The following IL1RN variants were observed in gnomAD, a reference collection of about 807,000 sequenced individuals.
IL1RN encodes the protein interleukin-1 receptor antagonist protein.
In IL1RN, 10 loss-of-function variants were observed where a neutral mutation model predicts 13.7. The observed-to-expected ratio is 0.73, with a 90% CI of 0.45 to 1.24. The LOEUF (loss-of-function observed/expected upper bound fraction) is 1.24. Among genes scored for constraint, IL1RN ranks in the 50% most tolerant of loss-of-function variants. IL1RN has a pLI of 0.00. For synonymous variants in IL1RN, 102 were observed against 82.7 expected (o/e 1.23, Z -1.27); for missense variants, 213 against 222.1 (o/e 0.96, Z 0.26).
chr2:113,127,423 G>A, upstream of IL1RN: 1 of 1,361,842 alleles, frequency 7.3e-7, no homozygotes, highest in Non-Finnish European at 9.5e-7. Flanking sequence ...GAGGGAATCA[G>A]TTACAACACT....
intron 1 of IL1RN, among the ~76,000 whole-genome samples, chr2:113,119,245 T>C (rs2254511): frequency 6.6e-6 from 1 of 152,162 alleles, no homozygotes; most frequent in Non-Finnish European, 1.5e-5. Context: ...GCTAGGCGCC[T>C]TGCTGAGCAC....
At chr2:113,116,109 A>G (rs972342773), upstream of IL1RN, among the ~76,000 whole-genome samples, 1 of 152,148 alleles carries the variant, frequency 6.6e-6, no homozygotes, top group African/African-American at 2.4e-5. Context: ...CATTTTATAG[A>G]TGTGGCCCAG....
intron 1 of IL1RN, among the ~76,000 whole-genome samples, chr2:113,128,107 C>A (rs1463879259): frequency 1.3e-5 from 2 of 152,332 alleles, no homozygotes; most frequent in Non-Finnish European, 2.9e-5. Context: ...ATGGGCAAGG[C>A]CTGTCTGTGC....
At chr2:113,107,591 TG>T (rs1368389320), upstream of IL1RN, among the ~76,000 whole-genome samples, 2 of 145,736 alleles carry the variant, frequency 1.4e-5, no homozygotes, top group African/African-American at 5.1e-5. Flanking sequence ...AAAATAGCCA[TG>T]TGTGGTGGTG....
chr2:113,123,271 C>T (rs1171342726), upstream of IL1RN, among the ~76,000 whole-genome samples: 1 of 152,150 alleles, frequency 6.6e-6, no homozygotes, highest in East Asian at 1.9e-4. Flanking sequence ...AGAGAATGGC[C>T]AAGGCTGTAA....
upstream of IL1RN, among the ~76,000 whole-genome samples, chr2:113,113,602 T>C (rs1686539027): frequency 6.6e-6 from 1 of 152,110 alleles, no homozygotes; most frequent in South Asian, 2.1e-4. Context: ...ATAATGGTAA[T>C]AATTAAGGGG....
At chr2:113,111,874 C>T (rs1686504653) in intron 1 of IL1RN, among the ~76,000 whole-genome samples, 1 of 152,252 alleles carries the variant, frequency 6.6e-6, no homozygotes, top group Admixed American at 6.5e-5. Flanking sequence ...GTTAGATGTG[C>T]ACCCTGTTTT....
intron 3 of IL1RN, among the ~76,000 whole-genome samples, chr2:113,132,121 T>C (rs1344787588): frequency 6.6e-6 from 1 of 152,206 alleles, no homozygotes; most frequent in Non-Finnish European, 1.5e-5. Context: ...GGTGTGACAG[T>C]GGGACAGCCT....
intron 2 of IL1RN, 87 bp from the exon 3 acceptor site, chr2:113,130,958 C>A: frequency 1.2e-6 from 1 of 854,914 alleles, no homozygotes; most frequent in Non-Finnish European, 2.0e-6. Flanking sequence ...TTGTGGGGAC[C>A]AGGGGAGATA....
upstream of IL1RN, among the ~76,000 whole-genome samples, chr2:113,123,963 T>A (rs748746489): frequency 6.6e-5 from 10 of 152,182 alleles, no homozygotes; most frequent in Non-Finnish European, 8.8e-5. Context: ...GCTAAACACT[T>A]TACAGGCATC....
chr2:113,117,173 G>T (rs776538796), upstream of IL1RN, among the ~76,000 whole-genome samples: 1 of 152,262 alleles, frequency 6.6e-6, no homozygotes, highest in African/African-American at 2.4e-5. Context: ...AGAGAAAGCA[G>T]GGAGAGAGTA....
chr2:113,129,627 T>C lies in IL1RN; in HGVS notation c.168T>C (p.Val56=). The C allele has an allele frequency of 1.2e-6, 2 of 1,613,400 alleles. No individual in the cohort carries two copies. Among genetic ancestry groups the C allele is most frequent in the Admixed American group, 3.3e-5 (2 of 60,026 alleles). The part of the protein sequence containing the change: ...KTFYLRNNQL[V]AGYLQGPNVN... ...TCTATCTGAGGAACAACCAACTAGT[T>C]GCTGGATACTTGCAAGGACCAAATG... Residue 56 remains valine, a synonymous_variant, in exon 2 of 4, where the codon GTT becomes GTC. Coordinates refer to ENST00000409930, the MANE Select transcript of IL1RN (RefSeq NM_173842.3).
upstream of IL1RN, chr2:113,117,640 A>C (rs4251968): frequency 0.21 from 82,515 of 399,516 alleles, 9,897 homozygotes; most frequent in Admixed American, 0.27. Flanking sequence ...GCACACATGC[A>C]TGAGCTGGCG....
At chr2:113,130,821 A>G (rs1687140255) in intron 2 of IL1RN, among the ~76,000 whole-genome samples, 2 of 149,922 alleles carry the variant, frequency 1.3e-5, no homozygotes, top group South Asian at 2.1e-4. Context: ...TGGACATCAC[A>G]TGGAACAACA....
intron 3 of IL1RN, among the ~76,000 whole-genome samples, chr2:113,131,889 G>C (rs567616012): frequency 6.6e-6 from 1 of 152,284 alleles, no homozygotes; most frequent in African/African-American, 2.4e-5. Flanking sequence ...CTGTGGCACT[G>C]TCCCATCCCT....
At chr2:113,127,395 TG>T (rs1271438628), upstream of IL1RN, 1 of 903,858 alleles carries the variant, frequency 1.1e-6, no homozygotes, top group Non-Finnish European at 1.3e-6. Flanking sequence ...TTGGGGAAAT[TG>T]CACAGGGGAA....
the IL1RN span, among the ~76,000 whole-genome samples, chr2:113,101,200 G>T: frequency 0.11 from 16,675 of 152,176 alleles, 1,070 homozygotes; most frequent in East Asian, 0.28. Context: ...ACTGATAAGA[G>T]TCTTAAAGTT....
chr2:113,127,693 G>A lies in IL1RN; in HGVS notation c.69G>A (p.Thr23=), dbSNP rs2232353. 993 of 1,614,050 alleles carry A rather than the reference G, an allele frequency of 6.2e-4. 11 individuals carry two copies. In the Middle Eastern group the frequency reaches 6.4e-3, roughly 10 times the overall value. Residue 23 remains threonine (T), a synonymous_variant, in exon 1 of 4, where the codon ACG becomes ACA. Transcript: ENST00000409930. ...TCCTCTTCCTGTTCCATTCAGAGAC[G>A]ATCTGCCGACCCTCTGGGAGAAAAT... ...TLLLFLFHSE[T]ICRPSGRKSS...
chr2:113,100,075 C>T, the IL1RN span, among the ~76,000 whole-genome samples: 1 of 144,532 alleles, frequency 6.9e-6, no homozygotes, highest in Admixed American at 6.8e-5. Context: ...GTAATCCCAG[C>T]ACTTTGGGAG....
Sources: allele counts gnomAD v4.1 joint callset (sites outside exome capture counted in the v4.1 genomes callset), GRCh38; gene constraint gnomAD v4.1.1; transcripts MANE v1.5; gene names NCBI Gene and HGNC (gene_info 2026-07-23, HGNC 2026-07-21).